The following MGAT4C variants were observed in gnomAD, a reference collection of about 807,000 sequenced individuals.
MGAT4C encodes the protein MGAT4 family member C.
Under a neutral mutation model 40.1 loss-of-function variants are expected in MGAT4C, and 19 were observed. The ratio of observed to expected loss-of-function variants is 0.47; its 90% CI spans 0.33 to 0.70. The LOEUF is 0.70. MGAT4C is among the 30% of genes least tolerant of loss of function. MGAT4C has a pLI of 0.02. For synonymous variants in MGAT4C, 181 were observed against 187.1 expected (o/e 0.97, Z 0.27); for missense variants, 491 against 563.2 (o/e 0.87, Z 1.30).
intron 2 of MGAT4C, among the ~76,000 whole-genome samples, chr12:86,566,772 A>G (rs1302564212): frequency 6.7e-6 from 1 of 148,908 alleles, no homozygotes; most frequent in Non-Finnish European, 1.5e-5. Context: ...ATATATATAT[A>G]TATATATTCC....
intron 1 of MGAT4C, among the ~76,000 whole-genome samples, chr12:86,075,373 C>G (rs1247938904): frequency 6.6e-6 from 1 of 152,076 alleles, no homozygotes; most frequent in East Asian, 1.9e-4. Flanking sequence ...CAGCTCTGCT[C>G]CTGTGTCTTT....
intron 4 of MGAT4C, among the ~76,000 whole-genome samples, chr12:86,332,267 C>T (rs1286357270): frequency 6.6e-6 from 1 of 152,128 alleles, no homozygotes; most frequent in Non-Finnish European, 1.5e-5. Flanking sequence ...TTAACTGCCA[C>T]TTTGCCATTT....
At chr12:86,151,345 G>A (rs1171902703) in intron 1 of MGAT4C, among the ~76,000 whole-genome samples, 2 of 152,144 alleles carry the variant, frequency 1.3e-5, no homozygotes, top group African/African-American at 2.4e-5. Flanking sequence ...GGGCGCGGTG[G>A]CTCACAACTG....
At chr12:86,774,155 T>G (rs1382582150) in intron 1 of MGAT4C, among the ~76,000 whole-genome samples, 1 of 151,832 alleles carries the variant, frequency 6.6e-6, no homozygotes, top group African/African-American at 2.4e-5. Flanking sequence ...GATTTCACTA[T>G]GTTGGCCAGG....
chr12:86,334,127 T>G (rs558034898), exon 4 of MGAT4C: 1 of 152,188 alleles, frequency 6.6e-6, no homozygotes, highest in Admixed American at 6.6e-5. Context: ...TCTGGGTGAG[T>G]CTGTGTTAAA....
chr12:86,641,709 T>G (rs1309155802), intron 2 of MGAT4C, among the ~76,000 whole-genome samples: 1 of 151,630 alleles, frequency 6.6e-6, no homozygotes, highest in African/African-American at 2.4e-5. Context: ...GAAATAGGAT[T>G]GTGTGATAAC....
At chr12:86,538,208 A>G (rs1327023931) in intron 2 of MGAT4C, among the ~76,000 whole-genome samples, 2 of 152,260 alleles carry the variant, frequency 1.3e-5, no homozygotes, top group African/African-American at 4.8e-5. Context: ...ATGATTAGGG[A>G]ACTGGCCAAA....
At chr12:86,069,626 C>T (rs1206271061) in intron 1 of MGAT4C, among the ~76,000 whole-genome samples, 2 of 152,116 alleles carry the variant, frequency 1.3e-5, no homozygotes, top group Non-Finnish European at 2.9e-5. Flanking sequence ...AGGCCAATTA[C>T]AGTCATTCTT....
chr12:86,666,642 C>T (rs1565913460), intron 2 of MGAT4C, among the ~76,000 whole-genome samples: 1 of 152,084 alleles, frequency 6.6e-6, no homozygotes, highest in South Asian at 2.1e-4. Flanking sequence ...TCCCTTGTTT[C>T]CCCACAAATG....
chr12:86,148,863 T>A (rs1277392672), intron 1 of MGAT4C, among the ~76,000 whole-genome samples: 1 of 152,202 alleles, frequency 6.6e-6, no homozygotes, highest in Non-Finnish European at 1.5e-5. Flanking sequence ...TGTAGCCTGA[T>A]CAGCTTGCAT....
At chr12:86,122,613 A>G (rs894793201) in intron 1 of MGAT4C, among the ~76,000 whole-genome samples, 4 of 152,172 alleles carry the variant, frequency 2.6e-5, no homozygotes, top group African/African-American at 7.2e-5. Context: ...ATTATACTAC[A>G]TATATATAAA....
intron 1 of MGAT4C, among the ~76,000 whole-genome samples, chr12:86,194,944 C>A (rs2135914421): frequency 6.6e-6 from 1 of 152,272 alleles, no homozygotes; most frequent in African/African-American, 2.4e-5. Context: ...ATGAAACTGG[C>A]AAACCTCCAT....
At chr12:86,446,121 A>G (rs1226731885) in intron 2 of MGAT4C, among the ~76,000 whole-genome samples, 1 of 152,162 alleles carries the variant, frequency 6.6e-6, no homozygotes, top group African/African-American at 2.4e-5. Flanking sequence ...TATATCACAA[A>G]AATATAGAAT....
At position 86,603,499 on chromosome 12, in the gene MGAT4C, ACT is replaced by A. The variant is rs1593033905; in HGVS notation, c.-229+123708_-229+123709del. On this transcript the variant is annotated intron_variant, in intron 2 of 7. Transcript: ENST00000548651. Reference sequence around the variant, plus strand: ...ATAGTCTATAGACTATATAATATATACTATATATAGTCTATAGTCTATAGACT... The same window carrying A: ...ATAGTCTATAGACTATATAATATATAATATATAGTCTATAGTCTATAGACT... 7.3e-5 allele frequency among the ~76,000 whole-genome samples: 6 copies of A among 82,568 alleles called. No individual in the cohort carries two copies. The East Asian group carries it at 1.4e-3, about 19-fold the overall frequency. 54.2% of individuals were successfully genotyped at this position (82,568 alleles called of 152,430 possible). A position where few individuals can be genotyped will look rare whatever the true frequency, so the allele number is the denominator to read the frequency against.
At chr12:86,358,190 A>C (rs1188403909) in intron 3 of MGAT4C, among the ~76,000 whole-genome samples, 2 of 152,216 alleles carry the variant, frequency 1.3e-5, no homozygotes, top group Non-Finnish European at 2.9e-5. Flanking sequence ...TTCTTAAAGA[A>C]AAGAATTTTC....
intron 4 of MGAT4C, among the ~76,000 whole-genome samples, chr12:86,263,944 AC>A: frequency 6.6e-6 from 1 of 151,912 alleles, no homozygotes; most frequent in African/African-American, 2.4e-5. Context: ...TTTTTCATAT[AC>A]CTATTGGTCA....
intron 1 of MGAT4C, among the ~76,000 whole-genome samples, chr12:86,777,013 C>A (rs529265948): frequency 2.0e-4 from 30 of 151,868 alleles, no homozygotes; most frequent in Admixed American, 2.0e-4. Flanking sequence ...TAGGACTTAC[C>A]CACTTCTTCG....
chr12:86,417,242 C>T (rs1480606213), intron 3 of MGAT4C, among the ~76,000 whole-genome samples: 2 of 151,840 alleles, frequency 1.3e-5, no homozygotes, highest in South Asian at 2.1e-4. Context: ...TTGCACATTC[C>T]TATCTTAAAA....
At chr12:86,096,113 A>C (rs1873864274) in intron 1 of MGAT4C, among the ~76,000 whole-genome samples, 1 of 151,712 alleles carries the variant, frequency 6.6e-6, no homozygotes, top group Non-Finnish European at 1.5e-5. Context: ...GTTTCTGGCA[A>C]AAAGAAATGT....
Sources: allele counts gnomAD v4.1 joint callset (sites outside exome capture counted in the v4.1 genomes callset), GRCh38; gene constraint gnomAD v4.1.1; transcripts MANE v1.5; gene names NCBI Gene and HGNC (gene_info 2026-07-23, HGNC 2026-07-21).